Variants in ARHGEF11 observed in about 807,000 individuals in gnomAD.
ARHGEF11 encodes Rho guanine exchange factor (GEF) 11.
Under a neutral mutation model 193.7 loss-of-function variants are expected in ARHGEF11, and 55 were observed. That is an observed-to-expected ratio of 0.28 (90% CI 0.23 to 0.36). The LOEUF is 0.36. ARHGEF11 is among the 10% of genes least tolerant of loss of function. The probability of loss-of-function intolerance (pLI) is 1.00; values close to 1 mark genes in which losing one functional copy is unlikely to be tolerated. For missense variants in ARHGEF11, 1,723 were observed against 2,005.6 expected, an observed-to-expected ratio of 0.86 and a Z score of 2.69; for synonymous variants, 693 against 768.0, an observed-to-expected ratio of 0.90 and a Z score of 1.62.
intron 7 of ARHGEF11, among the ~76,000 whole-genome samples, chr1:156,972,195 C>A (rs1321970454): frequency 3.3e-5 from 5 of 152,242 alleles, no homozygotes; most frequent in African/African-American, 4.8e-5. Context: ...GGAACCTACA[C>A]ACAATGGAAC....
At chr1:156,943,639 A>G (rs1371882598) in intron 32 of ARHGEF11, among the ~76,000 whole-genome samples, 2 of 152,030 alleles carry the variant, frequency 1.3e-5, no homozygotes, top group South Asian at 2.1e-4. Context: ...ATTCTTCCCA[A>G]TCCTGCTCAG....
rs1191168367 is a variant in ARHGEF11 at position 156,961,848 on chromosome 1, GGC to G, written c.1141-75_1141-74del. ...TGATTTTGCCCCCTAGGGGACGTTT[GGC>G]CATGTCTGGAGACATTTTTAGTTGT... On this transcript the variant is annotated intron_variant, in intron 13 of 40. Coordinates refer to ENST00000368194, the MANE Select transcript of ARHGEF11 (RefSeq NM_198236.3). 7 of 1,339,506 alleles carry G rather than the reference GGC, an allele frequency of 5.2e-6. No homozygotes were observed. The East Asian group carries it at 1.2e-4, about 22-fold the overall frequency. The allele number at this position is 1,339,506 out of a possible 1,614,324, so 83.0% of individuals were successfully genotyped here. A position where few individuals can be genotyped will look rare whatever the true frequency, so the allele number is the denominator to read the frequency against.
intron 12 of ARHGEF11, 27 bp downstream of exon 12, chr1:156,963,493 G>A (rs1357649646): frequency 2.5e-6 from 4 of 1,606,244 alleles, no homozygotes; most frequent in Non-Finnish European, 2.6e-6. Flanking sequence ...AAAAAATGAT[G>A]AAAGGAGAAA....
At chr1:156,987,751 C>T (rs564195619) in intron 1 of ARHGEF11, among the ~76,000 whole-genome samples, 2 of 152,100 alleles carry the variant, frequency 1.3e-5, no homozygotes, top group South Asian at 4.2e-4. Context: ...ATCTTTGGAT[C>T]AGAGAGAGAA....
In ARHGEF11 at chr1:156,969,284, C is replaced by T. The variant is rs1662186813; in HGVS notation, c.823G>A (p.Glu275Lys). The T allele has an allele frequency of 6.3e-7, 1 of 1,596,878 alleles. No homozygotes were observed. The highest frequency in any genetic ancestry group is 8.5e-7 in the Non-Finnish European group (1 of 1,171,176). Residue 275 changes from glutamate (E) to lysine (K), a missense_variant and splice_region_variant, in exon 10 of 41, where the codon GAG (glutamate) becomes AAG (lysine). Glu to Lys is a moderately conservative substitution (Grantham distance 56). Coordinates refer to ENST00000368194, the MANE Select transcript of ARHGEF11 (RefSeq NM_198236.3). ...GGCCTTGCCCTGCTGGGACTCACCTCACTGAGGGAAGGAAAGCGTTCTGTC... is the reference window on the plus strand; with the variant it reads ...GGCCTTGCCCTGCTGGGACTCACCTTACTGAGGGAAGGAAAGCGTTCTGTC... The part of the protein sequence containing the change: ...SGTERFPSLS[E>K]SLMNRNSVLS...
Position 157,044,666 on chromosome 1 carries a change from A to G in ARHGEF11, c.-336T>C. 2.4e-6 allele frequency: 1 copy of G among 422,180 alleles called. No individual in the cohort carries two copies. Among genetic ancestry groups the G allele is most frequent in the Non-Finnish European group, 4.2e-6 (1 of 239,748 alleles). The allele number at this position is 422,180 out of a possible 1,614,324, so 26.2% of individuals were successfully genotyped here. A position where few individuals can be genotyped will look rare whatever the true frequency, so the allele number is the denominator to read the frequency against. On this transcript the variant is annotated 5_prime_UTR_variant, in exon 1 of 41. Coordinates refer to ENST00000368194, the MANE Select transcript of ARHGEF11 (RefSeq NM_198236.3). ...CTCTTCAAGGTTAGCACTATGGCCAAAAAAAAATGAATCACAGAAAAATGT... is the reference window on the plus strand; with the variant it reads ...CTCTTCAAGGTTAGCACTATGGCCAGAAAAAAATGAATCACAGAAAAATGT...
chr1:156,950,098 T>C (rs1658846827), intron 22 of ARHGEF11, among the ~76,000 whole-genome samples: 1 of 152,240 alleles, frequency 6.6e-6, no homozygotes, highest in Non-Finnish European at 1.5e-5. Context: ...ATATTTGATA[T>C]ATCTACGACA....
chr1:157,046,841 C>G (rs1335441549), upstream of ARHGEF11, among the ~76,000 whole-genome samples: 2 of 151,588 alleles, frequency 1.3e-5, no homozygotes, highest in African/African-American at 2.4e-5. Context: ...GAAACCCCCC[C>G]CCTCTACTAA....
At chr1:156,987,230 C>CTG (rs1279930397) in intron 1 of ARHGEF11, among the ~76,000 whole-genome samples, 1 of 152,196 alleles carries the variant, frequency 6.6e-6, no homozygotes, top group Non-Finnish European at 1.5e-5. Flanking sequence ...CATGGAAGCA[C>CTG]TGTGTGTGAT....
At chr1:156,943,637 C>T (rs965771820) in intron 32 of ARHGEF11, among the ~76,000 whole-genome samples, 1 of 152,194 alleles carries the variant, frequency 6.6e-6, no homozygotes, top group Non-Finnish European at 1.5e-5. Flanking sequence ...CCATTCTTCC[C>T]AATCCTGCTC....
Position 156,948,149 on chromosome 1 carries a change from C to T in ARHGEF11, c.2153+32G>A. On this transcript the variant is annotated intron_variant, in intron 24 of 40. Transcript: ENST00000368194. The surrounding 1 kb of genome is among the most constrained non-coding windows in gnomAD (Gnocchi z 4.2). ...GGGTGTGGATGGGACACAGAGACAC[C>T]AAACAGAGGCACCACCGTGCCCATC... is the stretch of plus-strand genomic sequence containing the variant. 1 of 1,544,544 alleles carries T rather than the reference C, an allele frequency of 6.5e-7. No homozygotes were observed. Among genetic ancestry groups the T allele is most frequent in the Admixed American group, 1.9e-5 (1 of 52,276 alleles).
chr1:156,957,336 T>C (rs1660093168), intron 18 of ARHGEF11, among the ~76,000 whole-genome samples: 1 of 151,596 alleles, frequency 6.6e-6, no homozygotes, highest in Non-Finnish European at 1.5e-5. Context: ...ATATATAGGC[T>C]GCAAAAAAAA....
At chr1:156,965,745 A>C (rs1359129237) in intron 11 of ARHGEF11, among the ~76,000 whole-genome samples, 3 of 152,202 alleles carry the variant, frequency 2.0e-5, no homozygotes, top group African/African-American at 4.8e-5. Flanking sequence ...TTTGCACAGT[A>C]GCTCTTGATT....
At position 156,978,205 on chromosome 1, in the gene ARHGEF11, T is replaced by G. The variant is rs756275202; in HGVS notation, c.509A>C (p.Gln170Pro). ...AAAGAAAGCCAGGAGGATTATTACC[T>G]GCAGAGGTTTGGGTCCTGTGATGCG... ...PQRITGPKPL[Q>P]DPEVQKHATQ... The change falls in exon 6 of 41, where the codon CAG (glutamine) becomes CCG (proline). Residue 170 changes from glutamine (Q) to proline (P), a missense_variant and splice_region_variant. Transcript: ENST00000368194. 1 of 1,614,070 alleles carries G rather than the reference T, an allele frequency of 6.2e-7. No homozygotes were observed. The highest frequency in any genetic ancestry group is 1.3e-5 in the African/African-American group (1 of 74,938).
At chr1:156,979,182 C>T (rs758838080) in intron 5 of ARHGEF11, 47 bp downstream of exon 5, 27 of 1,585,270 alleles carry the variant, frequency 1.7e-5, no homozygotes, top group South Asian at 1.3e-4. Flanking sequence ...TCCTCCCTCT[C>T]GGATCATCTG....
At chr1:156,979,361 C>CTTTTTTTTTTTTTTTTTTTTTTTTTTTTT (rs36031299) in intron 4 of ARHGEF11, 75 bp from the exon 5 acceptor site, 1 of 443,598 alleles carries the variant, frequency 2.3e-6, no homozygotes, top group Non-Finnish European at 3.6e-6. Flanking sequence ...CAAAATGCCA[C>CTTTTTTTTTTTTTTTTTTTTTTTTTTTTT]TTTTTTTTTT....
chr1:156,946,531 A>G, intron 28 of ARHGEF11, 131 bp downstream of exon 28: 1 of 1,300,528 alleles, frequency 7.7e-7, no homozygotes. Flanking sequence ...AGTGCTTTTG[A>G]GGAGCGTGTG....
At chr1:156,984,141 A>G (rs1557902073) in intron 3 of ARHGEF11, among the ~76,000 whole-genome samples, 198 bp downstream of exon 3, 1 of 152,238 alleles carries the variant, frequency 6.6e-6, no homozygotes, top group Admixed American at 6.5e-5. Flanking sequence ...CAGCTAGGGA[A>G]GCGAGCATGA....
At chr1:156,953,401 G>A (rs1376580892) in intron 21 of ARHGEF11, among the ~76,000 whole-genome samples, 2 of 152,114 alleles carry the variant, frequency 1.3e-5, no homozygotes, top group African/African-American at 4.8e-5. Flanking sequence ...CTAGACCACT[G>A]CACTCCAGCC....
Sources: gnomAD v4.1 joint callset for allele counts (sites outside exome capture counted in the v4.1 genomes callset) on GRCh38, gnomAD v4.1.1 for gene constraint, Gnocchi (gnomAD v3.1) non-coding constraint, MANE v1.5 for transcripts, NCBI Gene and HGNC (gene_info 2026-07-23, HGNC 2026-07-21) for gene names.